Variants in PIEZO2 observed in about 807,000 individuals in gnomAD.
PIEZO2 encodes piezo type mechanosensitive ion channel component 2.
Under a neutral mutation model 337.3 loss-of-function variants are expected in PIEZO2, and 172 were observed. That is an observed-to-expected ratio of 0.51 (90% CI 0.45 to 0.58). The LOEUF is 0.58. PIEZO2 is among the 20% of genes least tolerant of loss of function. The pLI, the probability that PIEZO2 is intolerant of heterozygous loss-of-function variation, is 0.00. For missense variants in PIEZO2, 3,028 were observed against 3,391.3 expected (o/e 0.89, Z 2.66); for synonymous variants, 1,251 against 1,228.5 (o/e 1.02, Z -0.38).
intron 2 of PIEZO2, among the ~76,000 whole-genome samples, chr18:11,034,803 C>G (rs1262916532): frequency 6.6e-6 from 1 of 152,136 alleles, no homozygotes; most frequent in Non-Finnish European, 1.5e-5. Flanking sequence ...CAAGACCGCG[C>G]CATTGCACTC....
In PIEZO2 at chr18:10,714,936, G is replaced by A; in HGVS notation, c.5257-6C>T. Reference sequence around the variant, plus strand: ...TCCCGAGTTGGAACATTGCCCTGAGGAGAATGAGACATTGCCACAGTTCTT... The same window carrying A: ...TCCCGAGTTGGAACATTGCCCTGAGAAGAATGAGACATTGCCACAGTTCTT... On this transcript the variant is annotated splice_polypyrimidine_tract_variant and splice_region_variant and intron_variant, in intron 38 of 55. Transcript: ENST00000674853. 1 of 1,536,828 alleles carries A rather than the reference G, an allele frequency of 6.5e-7. No individual in the cohort carries two copies. The highest frequency in any genetic ancestry group is 8.7e-7 in the Non-Finnish European group (1 of 1,146,672).
In PIEZO2 at chr18:10,922,799, C is replaced by T. The variant is rs2031507546; in HGVS notation, c.287-11571G>A. Among the ~76,000 whole-genome samples the T allele has an allele frequency of 1.3e-5, 2 of 152,060 alleles. 1 individual carries two copies. The highest frequency in any genetic ancestry group is 4.2e-4 in the South Asian group (2 of 4,816). ...ACATAAATGCAGTTATTACAAAATC[C>T]TTACATAGATTATACTTTTCAAAGA... On this transcript the variant is annotated intron_variant, in intron 3 of 55. Transcript: ENST00000674853.
At chr18:10,968,426 T>C (rs1159284773) in intron 3 of PIEZO2, among the ~76,000 whole-genome samples, 1 of 152,230 alleles carries the variant, frequency 6.6e-6, no homozygotes, top group African/African-American at 2.4e-5. Context: ...TTGCTTTCGC[T>C]ATGTGGACAC....
intron 5 of PIEZO2, among the ~76,000 whole-genome samples, chr18:10,867,418 A>G (rs1049461466): frequency 1.3e-5 from 2 of 152,346 alleles, no homozygotes; most frequent in Admixed American, 1.3e-4. Flanking sequence ...TAGGAATTAG[A>G]AAGCAGGGTG....
At position 10,870,721 on chromosome 18, in the gene PIEZO2, T is replaced by C. The variant is rs1375112456; in HGVS notation, c.492+532A>G. On this transcript the variant is annotated intron_variant, in intron 5 of 55. Coordinates refer to ENST00000674853, the MANE Select transcript of PIEZO2 (RefSeq NM_001378183.1). The surrounding 1 kb of genome is among the most constrained non-coding windows in gnomAD (Gnocchi z 5.3). The stretch of plus-strand genomic sequence containing the variant: ...TTCATTATTTTTACCTTTTTAAAAT[T>C]CTCACACTTTTCCAAATATGTATGT... Among the ~76,000 whole-genome samples the C allele has an allele frequency of 6.6e-6, 1 of 152,174 alleles. No individual in the cohort carries two copies. Among genetic ancestry groups the C allele is most frequent in the Admixed American group, 6.6e-5 (1 of 15,266 alleles).
At chr18:10,941,144 A>C (rs761435338) in intron 3 of PIEZO2, among the ~76,000 whole-genome samples, 1 of 152,052 alleles carries the variant, frequency 6.6e-6, no homozygotes, top group African/African-American at 2.4e-5. Context: ...CAATTATCCC[A>C]ACTAAAAAAT....
At position 10,899,145 on chromosome 18, in the gene PIEZO2, C is replaced by T. The variant is rs1480385407; in HGVS notation, c.329+12041G>A. Among the ~76,000 whole-genome samples, 2 of 152,190 alleles carry T rather than the reference C, an allele frequency of 1.3e-5. No individual in the cohort carries two copies. The highest frequency in any genetic ancestry group is 2.9e-5 in the Non-Finnish European group (2 of 68,034). On this transcript the variant is annotated intron_variant, in intron 4 of 55. Coordinates refer to ENST00000674853, the MANE Select transcript of PIEZO2 (RefSeq NM_001378183.1). This position sits in a 1 kb window ranked among gnomAD's most constrained non-coding sequence, Gnocchi z 4.6. ...ATAGTTAAAAAGACCTAACTGCCTT[C>T]GTTCAGCTGTCAAGAAGTTACTCAA...
Position 11,116,659 on chromosome 18 carries a change from T to C in PIEZO2, c.64+31866A>G, listed in dbSNP as rs570217488. 6.6e-6 allele frequency among the ~76,000 whole-genome samples: 1 copy of C among 150,988 alleles called. No individual in the cohort carries two copies. The highest frequency in any genetic ancestry group is 1.5e-5 in the Non-Finnish European group (1 of 67,856). ...TGAACCCGGGAGGCGTAGCTTGCAG[T>C]GAGCCGAGATCCGCCACCGCACTCC... On this transcript the variant is annotated intron_variant, in intron 1 of 55. Coordinates refer to ENST00000674853, the MANE Select transcript of PIEZO2 (RefSeq NM_001378183.1). This position sits in a 1 kb window ranked among gnomAD's most constrained non-coding sequence, Gnocchi z 5.0.
rs966798044 is a variant in PIEZO2, at chr18:10,707,405, G to A, written c.5588+870C>T. On this transcript the variant is annotated intron_variant, in intron 40 of 55. Transcript: ENST00000674853. The surrounding 1 kb of genome is among the most constrained non-coding windows in gnomAD (Gnocchi z 4.2). ...AAATGGCCAAGGCATTCCCATCAATGCCAGGTGTCAGCATACTGCAGGGAT... is the reference window on the plus strand; with the variant it reads ...AAATGGCCAAGGCATTCCCATCAATACCAGGTGTCAGCATACTGCAGGGAT... Among the ~76,000 whole-genome samples the A allele has an allele frequency of 6.6e-6, 1 of 152,084 alleles. No homozygotes were observed. Among genetic ancestry groups the A allele is most frequent in the Non-Finnish European group, 1.5e-5 (1 of 68,008 alleles).
chr18:11,054,731 C>T (rs1301060467), intron 2 of PIEZO2, among the ~76,000 whole-genome samples: 1 of 152,134 alleles, frequency 6.6e-6, no homozygotes, highest in East Asian at 1.9e-4. Context: ...CCCATAGCCC[C>T]CACCCTGTGG....
chr18:10,815,971 T>G lies in PIEZO2; in HGVS notation c.918-8697A>C, dbSNP rs534840321. ...TGGAGTGGAAACATCATCAGTGCAA[T>G]AAAAACTCCCATTTGGAGAAAGGAG... On this transcript the variant is annotated intron_variant, in intron 7 of 55. Coordinates refer to ENST00000674853, the MANE Select transcript of PIEZO2 (RefSeq NM_001378183.1). This position sits in a 1 kb window ranked among gnomAD's most constrained non-coding sequence, Gnocchi z 4.1. Among the ~76,000 whole-genome samples, 1 of 151,978 alleles carries G rather than the reference T, an allele frequency of 6.6e-6. No homozygotes were observed. Among genetic ancestry groups the G allele is most frequent in the Non-Finnish European group, 1.5e-5 (1 of 68,006 alleles).
rs2040029989 is a variant in PIEZO2 at position 10,807,241 on chromosome 18, G to A, written c.951C>T (p.Asp317=). The part of the protein sequence containing the change: ...LFGIKSVIQT[D]CSSTWKIIVN... ...CTATGATCTTCCAAGTACTTGAACAGTCCGTTTGAATTACTGACTTGATAC... is the reference window on the plus strand; with the variant it reads ...CTATGATCTTCCAAGTACTTGAACAATCCGTTTGAATTACTGACTTGATAC... Residue 317 remains aspartate, a synonymous_variant, in exon 8 of 56, where the codon GAC becomes GAT. Coordinates refer to ENST00000674853, the MANE Select transcript of PIEZO2 (RefSeq NM_001378183.1). The A allele has an allele frequency of 6.5e-7, 1 of 1,537,006 alleles. No homozygotes were observed. The highest frequency in any genetic ancestry group is 8.7e-7 in the Non-Finnish European group (1 of 1,146,864).
At chr18:10,970,346 A>C (rs1055879589) in intron 3 of PIEZO2, among the ~76,000 whole-genome samples, 1 of 152,238 alleles carries the variant, frequency 6.6e-6, no homozygotes, top group African/African-American at 2.4e-5. Context: ...GGAGAAGTAC[A>C]GAAATACAGC....
intron 36 of PIEZO2, among the ~76,000 whole-genome samples, chr18:10,721,241 T>C (rs2036298285): frequency 6.6e-6 from 1 of 152,204 alleles, no homozygotes; most frequent in Admixed American, 6.5e-5. Context: ...GATAATAAAA[T>C]GACCCTGTGC....
At chr18:10,792,225 A>C (rs1427034965) in intron 13 of PIEZO2, among the ~76,000 whole-genome samples, 1 of 152,266 alleles carries the variant, frequency 6.6e-6, no homozygotes, top group Non-Finnish European at 1.5e-5. Flanking sequence ...CTGGGATTAC[A>C]GGCATAAGCC....
chr18:11,139,551 T>C (rs1355523652), intron 1 of PIEZO2, among the ~76,000 whole-genome samples: 1 of 152,178 alleles, frequency 6.6e-6, no homozygotes, highest in Non-Finnish European at 1.5e-5. Flanking sequence ...CTCCCATTTA[T>C]TTAAAATGTC....
intron 1 of PIEZO2, among the ~76,000 whole-genome samples, chr18:11,084,808 A>G (rs2038862469): frequency 6.6e-6 from 1 of 152,256 alleles, no homozygotes; most frequent in East Asian, 1.9e-4. Flanking sequence ...TCCCAGGATC[A>G]GCTTTCTAGT....
intron 7 of PIEZO2, among the ~76,000 whole-genome samples, chr18:10,814,702 G>A (rs963426371): frequency 6.6e-6 from 1 of 152,170 alleles, no homozygotes; most frequent in African/African-American, 2.4e-5. Flanking sequence ...AGGGTTTGGT[G>A]ACAGACTCCA....
intron 12 of PIEZO2, among the ~76,000 whole-genome samples, chr18:10,796,756 C>A (rs2039613118): frequency 6.6e-6 from 1 of 152,212 alleles, no homozygotes; most frequent in African/African-American, 2.4e-5. Flanking sequence ...GCCAGTGGGA[C>A]TGTGGTCTCC....
Sources: gnomAD v4.1 joint callset for allele counts (sites outside exome capture counted in the v4.1 genomes callset) on GRCh38, gnomAD v4.1.1 for gene constraint, Gnocchi (gnomAD v3.1) non-coding constraint, MANE v1.5 for transcripts, NCBI Gene and HGNC (gene_info 2026-07-23, HGNC 2026-07-21) for gene names.